Variants in FER1L6 observed in about 807,000 individuals in gnomAD.
FER1L6 encodes the protein fer-1-like protein 6.
A neutral mutation model predicts 219.2 loss-of-function variants in FER1L6; 177 were observed. The ratio of observed to expected loss-of-function variants is 0.81; its 90% CI spans 0.71 to 0.91. FER1L6 has a LOEUF of 0.91. Among genes scored for constraint, FER1L6 ranks in the 40% least tolerant of loss-of-function variants. FER1L6 has a pLI of 0.00. For synonymous variants in FER1L6, 768 were observed against 824.3 expected (o/e 0.93, Z 1.17); for missense variants, 2,153 against 2,259.9 (o/e 0.95, Z 0.96).
chr8:124,035,155 T>C, intron 18 of FER1L6, 122 bp from the exon 19 acceptor site: 2 of 1,039,184 alleles, frequency 1.9e-6, no homozygotes, highest in Admixed American at 2.8e-5. Context: ...AGAGGAGCTC[T>C]TGAGAACTGC....
chr8:124,111,063 C>G lies in FER1L6; in HGVS notation c.5289+7754C>G, dbSNP rs1008039855. Among the ~76,000 whole-genome samples, 7 of 152,088 alleles carry G rather than the reference C, an allele frequency of 4.6e-5. No individual in the cohort carries two copies. In the South Asian group the frequency reaches 1.5e-3, roughly 32 times the overall value. ...ATTTGAAGGAGATGGTTCTCAGATC[C>G]TTGAAAAAAACATTCCTGGGTGTTA... On this transcript the variant is annotated intron_variant, in intron 39 of 40. Transcript: ENST00000522917. This position sits in a 1 kb window ranked among gnomAD's most constrained non-coding sequence, Gnocchi z 5.0.
At chr8:123,969,883 AAAAGAGAATTG>A in intron 5 of FER1L6, 141 bp from the exon 6 acceptor site, 2 of 630,150 alleles carry the variant, frequency 3.2e-6, no homozygotes, top group South Asian at 4.1e-5. Context: ...AAAAAAAAAA[AAAAGAGAATTG>A]ACAATTGACA....
intron 38 of FER1L6, 134 bp from the exon 39 acceptor site, chr8:124,103,012 G>C: frequency 2.4e-6 from 2 of 833,550 alleles, no homozygotes; most frequent in Non-Finnish European, 3.8e-6. Context: ...CTAGCACATA[G>C]TTGTGATCCA....
At chr8:123,979,371 A>G (rs748342110) in intron 10 of FER1L6, among the ~76,000 whole-genome samples, 2 of 152,196 alleles carry the variant, frequency 1.3e-5, no homozygotes, top group Non-Finnish European at 2.9e-5. Context: ...CTGGGGCTCA[A>G]AATTAAAGAT....
chr8:124,013,737 G>A, intron 15 of FER1L6: 1 of 354,096 alleles, frequency 2.8e-6, no homozygotes, highest in Non-Finnish European at 5.2e-6. Flanking sequence ...ATAAATCAAA[G>A]GTAGGAAAAA....
intron 1 of FER1L6, among the ~76,000 whole-genome samples, chr8:123,938,942 C>T (rs1814114055): frequency 6.6e-6 from 1 of 152,212 alleles, no homozygotes; most frequent in Admixed American, 6.5e-5. Context: ...TAGATAATTA[C>T]TTTTTTATTC....
intron 1 of FER1L6, among the ~76,000 whole-genome samples, chr8:123,949,885 G>T (rs1482005309): frequency 6.6e-6 from 1 of 152,138 alleles, no homozygotes; most frequent in Non-Finnish European, 1.5e-5. Flanking sequence ...GAAGGTTTGG[G>T]GAGTAAAGGA....
rs1326558447 is a variant in FER1L6, at chr8:123,852,117, T to C, written c.-76T>C. On this transcript the variant is annotated 5_prime_UTR_variant, in exon 1 of 41. Coordinates refer to ENST00000522917, the MANE Select transcript of FER1L6 (RefSeq NM_001039112.2). The surrounding 1 kb of genome is among the most constrained non-coding windows in gnomAD (Gnocchi z 4.9). ...CACGAACCCACTGCTGCGCTTCATT[T>C]GCTGTGAAGTGAGTCCCTTGATCAG... 1 of 152,224 alleles carries C rather than the reference T, an allele frequency of 6.6e-6. No homozygotes were observed. Among genetic ancestry groups the C allele is most frequent in the Non-Finnish European group, 1.5e-5 (1 of 68,062 alleles). 9.4% of individuals were successfully genotyped at this position (152,224 alleles called of 1,614,324 possible). A position where few individuals can be genotyped will look rare whatever the true frequency, so the allele number is the denominator to read the frequency against.
chr8:124,112,845 C>T (rs113297884), intron 39 of FER1L6, among the ~76,000 whole-genome samples: 2 of 151,890 alleles, frequency 1.3e-5, no homozygotes, highest in African/African-American at 4.8e-5. Context: ...CAAGAGCAGA[C>T]AAGGGAGATA....
chr8:123,983,842 T>C (rs1446961778), intron 11 of FER1L6, among the ~76,000 whole-genome samples: 1 of 152,254 alleles, frequency 6.6e-6, no homozygotes, highest in East Asian at 1.9e-4. Context: ...TTAATAATTT[T>C]GGGCAGAGAT....
At chr8:123,868,575 T>G (rs1419511861) in intron 1 of FER1L6, among the ~76,000 whole-genome samples, 1 of 152,222 alleles carries the variant, frequency 6.6e-6, no homozygotes, top group Non-Finnish European at 1.5e-5. Context: ...AATGATTTTC[T>G]GCTGCCTGCT....
At chr8:124,013,247 G>T (rs926432923) in intron 14 of FER1L6, among the ~76,000 whole-genome samples, 184 bp from the exon 15 acceptor site, 3 of 151,938 alleles carry the variant, frequency 2.0e-5, no homozygotes, top group Non-Finnish European at 4.4e-5. Flanking sequence ...CTTACTAAAA[G>T]AAAAGTTCAA....
At chr8:124,078,122 C>T (rs150041545) in intron 32 of FER1L6, among the ~76,000 whole-genome samples, 131 of 152,298 alleles carry the variant, frequency 8.6e-4, no homozygotes, top group Non-Finnish European at 1.6e-3. Flanking sequence ...TGCCACATCC[C>T]TAGCACCTAG....
chr8:124,047,304 C>T (rs1819780041), intron 21 of FER1L6, among the ~76,000 whole-genome samples: 1 of 152,198 alleles, frequency 6.6e-6, no homozygotes, highest in Non-Finnish European at 1.5e-5. Context: ...GGGCCAGCTG[C>T]TCAACCTCTG....
intron 1 of FER1L6, among the ~76,000 whole-genome samples, chr8:123,888,331 G>A (rs1012443575): frequency 6.6e-6 from 1 of 151,972 alleles, no homozygotes; most frequent in African/African-American, 2.4e-5. Flanking sequence ...TGCCCAGGCT[G>A]GTCTTGAACT....
At chr8:123,971,195 T>A (rs1225796516) in intron 6 of FER1L6, among the ~76,000 whole-genome samples, 1 of 152,252 alleles carries the variant, frequency 6.6e-6, no homozygotes, top group African/African-American at 2.4e-5. Flanking sequence ...TAACTACAGC[T>A]GACTGTCAGC....
At chr8:124,088,792 G>A (rs1821893596) in intron 33 of FER1L6, among the ~76,000 whole-genome samples, 1 of 152,038 alleles carries the variant, frequency 6.6e-6, no homozygotes, top group African/African-American at 2.4e-5. Flanking sequence ...GTCTAGAAAT[G>A]TCTGGGAGCT....
rs1336108129 is a variant in FER1L6, at chr8:124,103,170, G to A, written c.5150G>A (p.Ser1717Asn). 1 of 1,614,024 alleles carries A rather than the reference G, an allele frequency of 6.2e-7. No individual in the cohort carries two copies. Among genetic ancestry groups the A allele is most frequent in the Non-Finnish European group, 8.5e-7 (1 of 1,180,006 alleles). The change falls in exon 39 of 41, where the codon AGT becomes AAT. Residue 1717 changes from serine to asparagine, a missense_variant. Physicochemically the swap from Ser to Asn is conservative, Grantham distance 46. Coordinates refer to ENST00000522917, the MANE Select transcript of FER1L6 (RefSeq NM_001039112.2). ...GGCACCCTGGAAATGAACCTCAACA[G>A]TTTCCCTCGAGCAGCTAAGTCTGCC... ...FLGTLEMNLNSFPRAAKSAKA... is the reference protein window; with the variant it reads ...FLGTLEMNLNNFPRAAKSAKA...
chr8:123,876,462 G>T (rs2130286622), intron 1 of FER1L6, among the ~76,000 whole-genome samples: 1 of 151,880 alleles, frequency 6.6e-6, no homozygotes, highest in Admixed American at 6.6e-5. Context: ...GGAACTACAG[G>T]CATGTGCCAC....
Sources: allele counts gnomAD v4.1 joint callset (sites outside exome capture counted in the v4.1 genomes callset), GRCh38; gene constraint gnomAD v4.1.1; non-coding constraint Gnocchi (gnomAD v3.1); transcripts MANE v1.5; gene names NCBI Gene and HGNC (gene_info 2026-07-23, HGNC 2026-07-21).